The following SLC44A5 variants were observed in gnomAD, a reference collection of about 807,000 sequenced individuals.
SLC44A5 encodes the protein choline transporter-like protein 5.
SLC44A5 carries 57 observed loss-of-function variants against 101.8 expected under a neutral mutation model. The ratio of observed to expected loss-of-function variants is 0.56; its 90% CI spans 0.45 to 0.70. The LOEUF is 0.70. Among genes scored for constraint, SLC44A5 ranks in the 30% least tolerant of loss-of-function variants. The probability of loss-of-function intolerance (pLI) is 0.00; values close to 1 mark genes in which losing one functional copy is unlikely to be tolerated. For missense variants in SLC44A5, 737 were observed against 853.1 expected, an observed-to-expected ratio of 0.86 and a Z score of 1.70; for synonymous variants, 281 against 290.9, an observed-to-expected ratio of 0.97 and a Z score of 0.35.
chr1:75,478,747 T>A (rs1337475262), intron 2 of SLC44A5, among the ~76,000 whole-genome samples: 1 of 152,144 alleles, frequency 6.6e-6, no homozygotes, highest in African/African-American at 2.4e-5. Flanking sequence ...CCCAGATTCA[T>A]AAAGCAAGTC....
chr1:75,536,923 G>A (rs1458418474), intron 2 of SLC44A5, among the ~76,000 whole-genome samples: 1 of 129,860 alleles, frequency 7.7e-6, no homozygotes, highest in African/African-American at 2.8e-5. Flanking sequence ...GGAGAATGGC[G>A]TGAACCCGGG....
At chr1:75,604,022 G>C (rs1161358656) in intron 1 of SLC44A5, among the ~76,000 whole-genome samples, 3 of 151,758 alleles carry the variant, frequency 2.0e-5, no homozygotes, top group African/African-American at 7.3e-5. Flanking sequence ...AGTTTAATTA[G>C]GTCTCACTTG....
At chr1:75,589,289 G>A (rs890763232) in intron 1 of SLC44A5, among the ~76,000 whole-genome samples, 4 of 152,132 alleles carry the variant, frequency 2.6e-5, no homozygotes, top group Admixed American at 2.6e-4. Flanking sequence ...TGTGACTGTG[G>A]GAAAGTAAGT....
chr1:75,222,975 C>A (rs1340764212), intron 13 of SLC44A5, among the ~76,000 whole-genome samples: 1 of 152,062 alleles, frequency 6.6e-6, no homozygotes, highest in Non-Finnish European at 1.5e-5. Context: ...TAAACTTAAC[C>A]CAACTTGGCC....
intron 2 of SLC44A5, among the ~76,000 whole-genome samples, chr1:75,462,678 C>T (rs1666569995): frequency 6.6e-6 from 1 of 151,752 alleles, no homozygotes; most frequent in Non-Finnish European, 1.5e-5. Context: ...AAAAATTTAA[C>T]AAAGAGATTG....
chr1:75,616,511 G>A, the SLC44A5 span, among the ~76,000 whole-genome samples: 2 of 152,208 alleles, frequency 1.3e-5, no homozygotes, highest in Admixed American at 1.3e-4. Flanking sequence ...AAAGACACCC[G>A]TCTTCACAGG....
the SLC44A5 span, among the ~76,000 whole-genome samples, chr1:75,626,620 G>A: frequency 6.6e-6 from 1 of 152,042 alleles, no homozygotes; most frequent in South Asian, 2.1e-4. Context: ...CTCTCAGCCT[G>A]CCTTTTCTAG....
intron 1 of SLC44A5, among the ~76,000 whole-genome samples, chr1:75,594,250 A>C (rs566633185): frequency 6.6e-6 from 1 of 152,150 alleles, no homozygotes; most frequent in Admixed American, 6.5e-5. Flanking sequence ...ATATTAAACA[A>C]GGTAAGAAAA....
chr1:75,316,588 T>A (rs952254994), intron 4 of SLC44A5, among the ~76,000 whole-genome samples: 5 of 152,230 alleles, frequency 3.3e-5, no homozygotes, highest in Non-Finnish European at 7.3e-5. Context: ...ATTAACTCTA[T>A]ATCTTTACTT....
At chr1:75,326,280 T>A (rs1656592725) in intron 4 of SLC44A5, among the ~76,000 whole-genome samples, 1 of 151,256 alleles carries the variant, frequency 6.6e-6, no homozygotes, top group Admixed American at 6.6e-5. Context: ...TTTTTTCTCA[T>A]TTGGAATACT....
intron 2 of SLC44A5, among the ~76,000 whole-genome samples, chr1:75,492,085 CG>C (rs1053722204): frequency 6.6e-6 from 1 of 152,008 alleles, no homozygotes; most frequent in African/African-American, 2.4e-5. Flanking sequence ...AGGGATGTGC[CG>C]GGCCCTGCAG....
chr1:75,465,392 G>A (rs572252145), intron 2 of SLC44A5, among the ~76,000 whole-genome samples: 1 of 152,036 alleles, frequency 6.6e-6, no homozygotes, highest in South Asian at 2.1e-4. Context: ...AAACCTATGG[G>A]ATATAGCAAA....
At chr1:75,290,285 C>A (rs1570587628) in intron 5 of SLC44A5, among the ~76,000 whole-genome samples, 1 of 152,142 alleles carries the variant, frequency 6.6e-6, no homozygotes, top group Non-Finnish European at 1.5e-5. Context: ...GGCTGGGGAG[C>A]TGTTTTCTGG....
chr1:75,339,866 G>A (rs1657738936), intron 3 of SLC44A5, among the ~76,000 whole-genome samples: 1 of 152,146 alleles, frequency 6.6e-6, no homozygotes, highest in South Asian at 2.1e-4. Context: ...CATATACCCA[G>A]TGAATGTATC....
At chr1:75,248,845 G>A (rs1557575767) in intron 7 of SLC44A5, among the ~76,000 whole-genome samples, 1 of 152,118 alleles carries the variant, frequency 6.6e-6, no homozygotes, top group Non-Finnish European at 1.5e-5. Flanking sequence ...ACAACTAAGT[G>A]AAAGGGGACA....
intron 2 of SLC44A5, among the ~76,000 whole-genome samples, chr1:75,470,061 T>C (rs1667023450): frequency 6.6e-6 from 1 of 152,156 alleles, no homozygotes; most frequent in African/African-American, 2.4e-5. Flanking sequence ...CCTTTCTATT[T>C]GACAGCATAT....
At chr1:75,291,937 G>T (rs1399737110) in intron 5 of SLC44A5, among the ~76,000 whole-genome samples, 1 of 151,400 alleles carries the variant, frequency 6.6e-6, no homozygotes, top group Non-Finnish European at 1.5e-5. Context: ...GCGTGAACCC[G>T]GGAAGTGGAG....
chr1:75,273,150 G>T (rs646879), intron 6 of SLC44A5, among the ~76,000 whole-genome samples: 1 of 152,024 alleles, frequency 6.6e-6, no homozygotes. Context: ...CAGATGTTGT[G>T]AAAGGAATTG....
At chr1:75,312,456 A>T (rs1262440506) in intron 4 of SLC44A5, among the ~76,000 whole-genome samples, 2 of 152,034 alleles carry the variant, frequency 1.3e-5, no homozygotes, top group Non-Finnish European at 2.9e-5. Context: ...AGAGGTGATT[A>T]GTTTCTGCCC....
Sources: allele counts gnomAD v4.1 joint callset (sites outside exome capture counted in the v4.1 genomes callset), GRCh38; gene constraint gnomAD v4.1.1; transcripts MANE v1.5; gene names NCBI Gene and HGNC (gene_info 2026-07-23, HGNC 2026-07-21).